PUDP: variants seen among roughly 807,000 people sequenced by gnomAD.
PUDP encodes the protein pseudouridine 5'-phosphatase.
PUDP carries 8 observed loss-of-function variants against 9.4 expected under a neutral mutation model. That is an observed-to-expected ratio of 0.85 (90% CI 0.50 to 1.53). The LOEUF (loss-of-function observed/expected upper bound fraction) is 1.53, where lower values mean the gene tolerates loss of function less well. PUDP is among the 40% of genes most tolerant of loss of function. The probability of loss-of-function intolerance (pLI) is 0.00; values close to 1 mark genes in which losing one functional copy is unlikely to be tolerated. For synonymous variants in PUDP, 99 were observed against 80.7 expected (o/e 1.23, Z -1.22); for missense variants, 188 against 189.7 (o/e 0.99, Z 0.05).
chrX:6,939,055 A>G (rs1375906807), intron 3 of PUDP, among the ~76,000 whole-genome samples: 3 of 110,223 alleles, frequency 2.7e-5, no homozygotes, highest in Non-Finnish European at 5.7e-5. Flanking sequence ...ACGGCTTTTT[A>G]TCTCTAGGTT....
At chrX:6,791,437 C>T (rs759674497) in intron 3 of PUDP, among the ~76,000 whole-genome samples, 3 of 111,125 alleles carry the variant, frequency 2.7e-5, no homozygotes, top group South Asian at 7.6e-4. Flanking sequence ...CACAGACCTG[C>T]GAATCTGCAA....
chrX:6,767,901 A>T (rs1925305137), intron 3 of PUDP, among the ~76,000 whole-genome samples: 1 of 111,027 alleles, frequency 9.0e-6, no homozygotes, highest in Non-Finnish European at 1.9e-5. Flanking sequence ...GTCTATTCCG[A>T]ATCTGGGGTG....
chrX:6,917,485 T>A (rs953388723), intron 3 of PUDP, among the ~76,000 whole-genome samples: 2 of 112,116 alleles, frequency 1.8e-5, no homozygotes, highest in Non-Finnish European at 3.8e-5. Context: ...TTCATACATC[T>A]TGTGGTTAAA....
chrX:7,034,730 C>T (rs778407375), intron 1 of PUDP, among the ~76,000 whole-genome samples: 1 of 111,314 alleles, frequency 9.0e-6, no homozygotes, highest in South Asian at 3.8e-4. Flanking sequence ...AGGACTGGCC[C>T]ATACCGCCCT....
intron 1 of PUDP, among the ~76,000 whole-genome samples, chrX:6,710,523 T>C (rs1203955625): frequency 8.9e-6 from 1 of 111,838 alleles, no homozygotes; most frequent in Non-Finnish European, 1.9e-5. Flanking sequence ...GTCAGCCGCC[T>C]GTTCCCATCA....
intron 1 of PUDP, among the ~76,000 whole-genome samples, chrX:7,023,471 G>GT (rs1374739895): frequency 8.9e-6 from 1 of 112,146 alleles, no homozygotes; most frequent in African/African-American, 3.2e-5. Context: ...GTGGTTTTAG[G>GT]TTTTACATAC....
At chrX:6,737,005 A>C (rs1001812429) in intron 3 of PUDP, among the ~76,000 whole-genome samples, 19 of 111,584 alleles carry the variant, frequency 1.7e-4, no homozygotes, top group African/African-American at 5.9e-4. Context: ...CTAAAATAAC[A>C]GTTTTTTTAA....
chrX:6,817,526 G>T (rs1285394453), intron 3 of PUDP, among the ~76,000 whole-genome samples: 1 of 111,760 alleles, frequency 8.9e-6, no homozygotes, highest in Non-Finnish European at 1.9e-5. Context: ...TGGTCACCTG[G>T]GTTCTCCATT....
At chrX:7,096,017 C>G (rs1250446666) in intron 2 of PUDP, among the ~76,000 whole-genome samples, 1 of 112,063 alleles carries the variant, frequency 8.9e-6, no homozygotes, top group Non-Finnish European at 1.9e-5. Flanking sequence ...GGAAGCTGTC[C>G]TTGACACAAG....
chrX:7,071,178 T>C (rs758604345), intron 3 of PUDP, among the ~76,000 whole-genome samples: 2 of 111,937 alleles, frequency 1.8e-5, no homozygotes, highest in Non-Finnish European at 3.8e-5. Context: ...TTCTTCAAAT[T>C]TGGTACAAGT....
chrX:7,111,798 T>G (rs945012523), intron 1 of PUDP, among the ~76,000 whole-genome samples: 11 of 111,727 alleles, frequency 9.8e-5, no homozygotes, highest in Admixed American at 6.6e-4. Context: ...AAATAATCTG[T>G]GTTGTGCTCT....
chrX:6,862,600 A>T (rs1379088727), intron 3 of PUDP, among the ~76,000 whole-genome samples: 4 of 111,838 alleles, frequency 3.6e-5, no homozygotes, highest in African/African-American at 1.3e-4. Flanking sequence ...TCTTAATTCC[A>T]TTTGAATAAC....
chrX:7,072,018 T>C (rs1803920441), intron 3 of PUDP, among the ~76,000 whole-genome samples: 1 of 111,549 alleles, frequency 9.0e-6, no homozygotes, highest in South Asian at 3.8e-4. Flanking sequence ...CTTTAACTCC[T>C]GAGCTCAAGT....
chrX:7,013,787 C>G (rs750749699), intron 1 of PUDP, among the ~76,000 whole-genome samples: 3 of 111,800 alleles, frequency 2.7e-5, no homozygotes, highest in African/African-American at 9.8e-5. Flanking sequence ...GGGGGGGTGC[C>G]TGCAGCCTAA....
intron 3 of PUDP, among the ~76,000 whole-genome samples, chrX:6,781,402 T>A (rs1471464775): frequency 8.9e-6 from 1 of 111,883 alleles, no homozygotes; most frequent in Non-Finnish European, 1.9e-5. Flanking sequence ...TGTCACATGA[T>A]GACTTCTTGG....
rs749047768 is a variant in PUDP at position 6,971,823 on chromosome X, G to A, written c.*247+5310C>T. 3.1e-4 allele frequency among the ~76,000 whole-genome samples: 35 copies of A among 111,816 alleles called. 2 individuals are homozygous for A. In the East Asian group the frequency reaches 7.9e-3, roughly 25 times the overall value. On this transcript the variant is annotated intron_variant and NMD_transcript_variant, in intron 3 of 3. Coordinates refer to the PUDP transcript ENST00000655425. Reference sequence around the variant, plus strand: ...CTTTTGGCAGTATGGCCGTTTTCACGATACTGATTCTTCCTATCCATGAGC... The same window carrying A: ...CTTTTGGCAGTATGGCCGTTTTCACAATACTGATTCTTCCTATCCATGAGC...
chrX:6,900,807 C>G (rs1927673094), intron 3 of PUDP, among the ~76,000 whole-genome samples: 1 of 107,687 alleles, frequency 9.3e-6, no homozygotes, highest in Non-Finnish European at 1.9e-5. Context: ...GAGACGGTGT[C>G]TAGCTCTGTT....
At chrX:7,023,353 T>C (rs1929659955) in intron 1 of PUDP, among the ~76,000 whole-genome samples, 1 of 112,146 alleles carries the variant, frequency 8.9e-6, no homozygotes, top group Non-Finnish European at 1.9e-5. Context: ...GAAAAAATGA[T>C]ACATAATATA....
chrX:6,969,332 C>T (rs1040943059), intron 3 of PUDP, among the ~76,000 whole-genome samples: 1 of 112,139 alleles, frequency 8.9e-6, no homozygotes, highest in Non-Finnish European at 1.9e-5. Context: ...TAGGTGTCCT[C>T]GTCTCTTGGC....
Sources: allele counts gnomAD v4.1 joint callset (sites outside exome capture counted in the v4.1 genomes callset), GRCh38; gene constraint gnomAD v4.1.1; transcripts MANE v1.5; gene names NCBI Gene and HGNC (gene_info 2026-07-23, HGNC 2026-07-21).